KCNJ14: variants seen among roughly 807,000 people sequenced by gnomAD.
KCNJ14 encodes potassium inwardly rectifying channel subfamily J member 14.
KCNJ14 carries 18 observed loss-of-function variants against 24.5 expected under a neutral mutation model. The ratio of observed to expected loss-of-function variants is 0.74; its 90% CI spans 0.51 to 1.09. The LOEUF (loss-of-function observed/expected upper bound fraction) is 1.09, where lower values mean the gene tolerates loss of function less well. Among genes scored for constraint, KCNJ14 ranks in the 50% least tolerant of loss-of-function variants. The pLI is 0.00. For missense variants in KCNJ14, 633 were observed against 623.0 expected, an observed-to-expected ratio of 1.02 and a Z score of -0.17; for synonymous variants, 288 against 270.8, an observed-to-expected ratio of 1.06 and a Z score of -0.63.
At chr19:48,458,892 C>T (rs935037493) in intron 1 of KCNJ14, among the ~76,000 whole-genome samples, 5 of 144,634 alleles carry the variant, frequency 3.5e-5, no homozygotes, top group Non-Finnish European at 3.0e-5. Context: ...GCTGAGATTG[C>T]GCCACTGCAC....
At chr19:48,457,180 T>C (rs1246980939) in intron 1 of KCNJ14, among the ~76,000 whole-genome samples, 1 of 151,796 alleles carries the variant, frequency 6.6e-6, no homozygotes, top group African/African-American at 2.4e-5. Flanking sequence ...CTCGCCATGT[T>C]CCCTAAGCTG....
At chr19:48,457,115 T>C (rs1971548202) in intron 1 of KCNJ14, 1 of 151,996 alleles carries the variant, frequency 6.6e-6, no homozygotes, top group African/African-American at 2.4e-5. Flanking sequence ...CCCACCTCAG[T>C]CTCCACAGTA....
chr19:48,461,783 G>T lies in KCNJ14; in HGVS notation c.59G>T (p.Arg20Leu). 1.4e-6 allele frequency: 2 copies of T among 1,458,142 alleles called. No individual in the cohort carries two copies. Among genetic ancestry groups the T allele is most frequent in the Non-Finnish European group, 1.8e-6 (2 of 1,107,918 alleles). The allele number at this position is 1,458,142 out of a possible 1,614,324, so 90.3% of individuals were successfully genotyped here. ...GGCGCCCTGGATTCGGGAGACAGCC[G>T]GGCGGGCGATGAAGAGGAGGCCGGG... ...LSGALDSGDS[R>L]AGDEEEAGPG... The change falls in exon 2 of 3, where the codon CGG (arginine) becomes CTG (leucine). Residue 20 changes from arginine to leucine, a missense_variant. Physicochemically the swap from Arg to Leu is moderately radical, Grantham distance 102 (BLOSUM62 -2). Transcript: ENST00000342291.
rs1021811779 is a variant in KCNJ14 at position 48,455,578 on chromosome 19, C to T, written c.-336C>T. 4.6e-5 allele frequency: 7 copies of T among 152,236 alleles called. No individual in the cohort carries two copies. The highest frequency in any genetic ancestry group is 2.1e-4 in the South Asian group (1 of 4,830). 9.4% of individuals were successfully genotyped at this position (152,236 alleles called of 1,614,324 possible). ...GGAGGGGGGTGCCCTGAGCCTGAGT[C>T]GCAGCCAGCCTGGGAGCTGGGCCAT... On this transcript the variant is annotated 5_prime_UTR_variant, in exon 1 of 3. Transcript: ENST00000342291.
chr19:48,460,018 T>TAAAA (rs1252331852), intron 1 of KCNJ14, among the ~76,000 whole-genome samples: 1 of 126,442 alleles, frequency 7.9e-6, no homozygotes, highest in East Asian at 2.2e-4. Context: ...AGAGTCCATC[T>TAAAA]CAAAAAAAAA....
At chr19:48,459,172 G>A (rs1411526535) in intron 1 of KCNJ14, among the ~76,000 whole-genome samples, 2 of 149,916 alleles carry the variant, frequency 1.3e-5, no homozygotes, top group Admixed American at 6.6e-5. Context: ...CCCAGGAGGC[G>A]GAGCTTGCAG....
Position 48,461,692 on chromosome 19 carries a change from C to G in KCNJ14, c.-33C>G, listed in dbSNP as rs891952279. The G allele has an allele frequency of 1.6e-5, 21 of 1,353,174 alleles. No individual in the cohort carries two copies. Among genetic ancestry groups the G allele is most frequent in the Non-Finnish European group, 1.8e-5 (19 of 1,047,332 alleles). 83.8% of individuals were successfully genotyped at this position (1,353,174 alleles called of 1,614,324 possible). A position where few individuals can be genotyped will look rare whatever the true frequency, so the allele number is the denominator to read the frequency against. On this transcript the variant is annotated 5_prime_UTR_variant, in exon 2 of 3. Coordinates refer to ENST00000342291, the MANE Select transcript of KCNJ14 (RefSeq NM_013348.4). ...CAGCAGGTTGGGGGCGCCTGCCCCCCACTAGGCCAAGTGGAGGGGGTCCCT... is the reference window on the plus strand; with the variant it reads ...CAGCAGGTTGGGGGCGCCTGCCCCCGACTAGGCCAAGTGGAGGGGGTCCCT...
intron 1 of KCNJ14, 119 bp from the exon 2 acceptor site, chr19:48,461,550 AT>A (rs1489367664): frequency 8.5e-6 from 3 of 351,526 alleles, no homozygotes; most frequent in Non-Finnish European, 9.6e-6. Context: ...AAAAAAAAAA[AT>A]GCGTATCGTT....
Position 48,464,610 on chromosome 19 carries a change from C to G in KCNJ14, c.1144C>G (p.Pro382Ala). 1.9e-6 allele frequency: 3 copies of G among 1,614,148 alleles called. No individual in the cohort carries two copies. The highest frequency in any genetic ancestry group is 2.5e-6 in the Non-Finnish European group (3 of 1,180,022). ...TTCCCACAGCCTCAAGTCTAGTTTC[C>G]CCGGCTCTCTGACTGCATTTTGTTA... Reference protein sequence around the residue: ...QASHSLKSSFPGSLTAFCYEN... With the variant: ...QASHSLKSSFAGSLTAFCYEN... The change falls in exon 3 of 3, where the codon CCC (proline) becomes GCC (alanine). Residue 382 changes from proline (P) to alanine (A), a missense_variant. By Grantham distance (27) the Pro-to-Ala change is conservative (BLOSUM62 -1). Coordinates refer to ENST00000342291, the MANE Select transcript of KCNJ14 (RefSeq NM_013348.4).
At position 48,464,466 on chromosome 19, in the gene KCNJ14, G is replaced by C; in HGVS notation, c.1000G>C (p.Val334Leu). 1 of 1,614,040 alleles carries C rather than the reference G, an allele frequency of 6.2e-7. No individual in the cohort carries two copies. Among genetic ancestry groups the C allele is most frequent in the Non-Finnish European group, 8.5e-7 (1 of 1,179,982 alleles). Residue 334 changes from valine to leucine, a missense_variant, in exon 3 of 3, where the codon GTT (valine) becomes CTT (leucine). Val to Leu is a conservative substitution (Grantham distance 32). Transcript: ENST00000342291. ...ELLWGHRFEP[V>L]LFQRGSQYEV... ...GCTCTGGGGCCATCGTTTTGAGCCA[G>C]TTCTCTTCCAGCGTGGCTCCCAGTA...
In KCNJ14 at chr19:48,464,958, AATTC is replaced by A; in HGVS notation, c.*182_*185del. ...ACCCACCATGGACATACTGGACCTT[AATTC>A]CTCTGCTTCTGTGCTCCCTCCTGAG... is the stretch of plus-strand genomic sequence containing the variant. On this transcript the variant is annotated 3_prime_UTR_variant, in exon 3 of 3. Coordinates refer to ENST00000342291, the MANE Select transcript of KCNJ14 (RefSeq NM_013348.4). 1 of 596,648 alleles carries A rather than the reference AATTC, an allele frequency of 1.7e-6. No individual in the cohort carries two copies. Among genetic ancestry groups the A allele is most frequent in the Non-Finnish European group, 3.0e-6 (1 of 335,434 alleles). The allele number at this position is 596,648 out of a possible 1,614,324, so 37.0% of individuals were successfully genotyped here.
intron 1 of KCNJ14, chr19:48,461,365 T>TAAA: frequency 1.2e-5 from 2 of 160,750 alleles, no homozygotes; most frequent in Non-Finnish European, 2.6e-5. Flanking sequence ...AGAAAAAAGT[T>TAAA]AAAAAAAAAA....
In KCNJ14 at chr19:48,464,485, C is replaced by G. The variant is rs1311441049; in HGVS notation, c.1019C>G (p.Ser340Cys). The change falls in exon 3 of 3, where the codon TCC becomes TGC. Residue 340 changes from serine to cysteine, a missense_variant. Coordinates refer to ENST00000342291, the MANE Select transcript of KCNJ14 (RefSeq NM_013348.4). ...RFEPVLFQRG[S>C]QYEVDYRHFH... is the part of the protein sequence containing the mutation. ...GAGCCAGTTCTCTTCCAGCGTGGCT[C>G]CCAGTATGAGGTCGACTATCGCCAC... 1 of 1,614,100 alleles carries G rather than the reference C, an allele frequency of 6.2e-7. No homozygotes were observed. Among genetic ancestry groups the G allele is most frequent in the Non-Finnish European group, 8.5e-7 (1 of 1,180,022 alleles).
chr19:48,460,498 C>T (rs775330904), intron 1 of KCNJ14, among the ~76,000 whole-genome samples: 6 of 152,200 alleles, frequency 3.9e-5, no homozygotes, highest in Non-Finnish European at 8.8e-5. Flanking sequence ...CCGCCTCGGC[C>T]TCCCAAAGTG....
chr19:48,464,476 A>G lies in KCNJ14; in HGVS notation c.1010A>G (p.Gln337Arg). 6.2e-7 allele frequency: 1 copy of G among 1,614,076 alleles called. No individual in the cohort carries two copies. Among genetic ancestry groups the G allele is most frequent in the Non-Finnish European group, 8.5e-7 (1 of 1,180,014 alleles). Residue 337 changes from glutamine to arginine, a missense_variant, in exon 3 of 3, where the codon CAG becomes CGG. Gln to Arg is a conservative substitution (Grantham distance 43). Coordinates refer to ENST00000342291, the MANE Select transcript of KCNJ14 (RefSeq NM_013348.4). ...WGHRFEPVLFQRGSQYEVDYR... is the reference protein window; with the variant it reads ...WGHRFEPVLFRRGSQYEVDYR... ...CATCGTTTTGAGCCAGTTCTCTTCCAGCGTGGCTCCCAGTATGAGGTCGAC... is the reference window on the plus strand; with the variant it reads ...CATCGTTTTGAGCCAGTTCTCTTCCGGCGTGGCTCCCAGTATGAGGTCGAC...
Position 48,464,496 on chromosome 19 carries a change from G to C in KCNJ14, c.1030G>C (p.Val344Leu). Residue 344 changes from valine (V) to leucine (L), a missense_variant, in exon 3 of 3, where the codon GTC (valine) becomes CTC (leucine). Transcript: ENST00000342291. ...VLFQRGSQYEVDYRHFHRTYE... is the reference protein window; with the variant it reads ...VLFQRGSQYELDYRHFHRTYE... ...CTTCCAGCGTGGCTCCCAGTATGAG[G>C]TCGACTATCGCCACTTCCATCGCAC... The C allele has an allele frequency of 6.2e-7, 1 of 1,614,130 alleles. No homozygotes were observed. The highest frequency in any genetic ancestry group is 1.1e-5 in the South Asian group (1 of 91,084).
Position 48,462,082 on chromosome 19 carries a change from GCCCCGCCA to G in KCNJ14, c.361_368del (p.Pro121AlafsTer123). On this transcript the variant is annotated frameshift_variant, in exon 2 of 3. Coordinates refer to ENST00000342291, the MANE Select transcript of KCNJ14 (RefSeq NM_013348.4). LOFTEE classifies it high-confidence loss of function. The surrounding 1 kb of genome is among the most constrained non-coding windows in gnomAD (Gnocchi z 4.9). Reference sequence around the variant, plus strand: ...TGCCTCGCTGCACGGCGACCTGGCCGCCCCGCCACCGCCCGCGCCCTGCTTCTCACACG... The same window carrying G: ...TGCCTCGCTGCACGGCGACCTGGCCGCCGCCCGCGCCCTGCTTCTCACACG... The G allele has an allele frequency of 2.5e-6, 4 of 1,605,226 alleles. No homozygotes were observed. The highest frequency in any genetic ancestry group is 3.4e-6 in the Non-Finnish European group (4 of 1,177,792).
intron 1 of KCNJ14, among the ~76,000 whole-genome samples, chr19:48,460,805 C>T (rs970611967): frequency 6.6e-6 from 1 of 152,026 alleles, no homozygotes; most frequent in Admixed American, 6.6e-5. Flanking sequence ...TAGTATTTTC[C>T]GTTGTTGTTG....
At position 48,466,043 on chromosome 19, in the gene KCNJ14, C is replaced by G. The variant is rs1190839675; in HGVS notation, c.*1266C>G. On this transcript the variant is annotated 3_prime_UTR_variant, in exon 3 of 3. Transcript: ENST00000342291. The stretch of plus-strand genomic sequence containing the variant: ...GGTGAGTCTAGAATGCTCTGGAACC[C>G]TACACCTAGTGATGTGTGTCTATTT... 1 of 152,254 alleles carries G rather than the reference C, an allele frequency of 6.6e-6. No individual in the cohort carries two copies. Among genetic ancestry groups the G allele is most frequent in the African/African-American group, 2.4e-5 (1 of 41,400 alleles). 9.4% of individuals were successfully genotyped at this position (152,254 alleles called of 1,614,324 possible).
Sources: allele counts gnomAD v4.1 joint callset (sites outside exome capture counted in the v4.1 genomes callset), GRCh38; gene constraint gnomAD v4.1.1; non-coding constraint Gnocchi (gnomAD v3.1); transcripts MANE v1.5; gene names NCBI Gene and HGNC (gene_info 2026-07-23, HGNC 2026-07-21).